Variants in LRRC75A observed in about 807,000 individuals in gnomAD.
LRRC75A encodes the protein leucine-rich repeat-containing protein 75A.
In LRRC75A, 12 loss-of-function variants were observed where a neutral mutation model predicts 26.0. The observed-to-expected ratio is 0.46, with a 90% CI of 0.30 to 0.75. LRRC75A has a LOEUF of 0.75. LRRC75A is among the 30% of genes least tolerant of loss of function. The pLI is 0.08. For missense variants in LRRC75A, 410 were observed against 486.6 expected, an observed-to-expected ratio of 0.84 and a Z score of 1.48; for synonymous variants, 223 against 219.3, an observed-to-expected ratio of 1.02 and a Z score of -0.15.
At chr17:16,451,733 A>G (rs1445377660) in intron 2 of LRRC75A, among the ~76,000 whole-genome samples, 1 of 151,786 alleles carries the variant, frequency 6.6e-6, no homozygotes, top group East Asian at 1.9e-4. Flanking sequence ...TCATACCGGA[A>G]TCTCAGGGGA....
Position 16,492,140 on chromosome 17 carries a change from G to A in LRRC75A, c.-150C>T. 1.7e-6 allele frequency: 1 copy of A among 600,806 alleles called. No individual in the cohort carries two copies. Among genetic ancestry groups the A allele is most frequent in the Non-Finnish European group, 2.1e-6 (1 of 478,506 alleles). The allele number at this position is 600,806 out of a possible 1,614,324, so 37.2% of individuals were successfully genotyped here. ...GCGGGCGTCGCGGGGGCGGGCGGGCGGGCGGCTGTCGGCGCTCCCCGCGCT... is the reference window on the plus strand; with the variant it reads ...GCGGGCGTCGCGGGGGCGGGCGGGCAGGCGGCTGTCGGCGCTCCCCGCGCT... On this transcript the variant is annotated 5_prime_UTR_variant, in exon 1 of 4. Transcript: ENST00000470794.
intron 1 of LRRC75A, among the ~76,000 whole-genome samples, chr17:16,485,681 T>TGTGTGTTA (rs1555893694): frequency 7.4e-6 from 1 of 135,434 alleles, no homozygotes; most frequent in Non-Finnish European, 1.6e-5. Flanking sequence ...CGTGTGTGTG[T>TGTGTGTTA]GTGTGTGTGT....
chr17:16,479,331 G>T (rs1385452579), intron 1 of LRRC75A, among the ~76,000 whole-genome samples: 1 of 152,242 alleles, frequency 6.6e-6, no homozygotes, highest in African/African-American at 2.4e-5. Flanking sequence ...TGCCTCAGGT[G>T]ATTTGAGAAG....
Position 16,453,070 on chromosome 17 carries a change from C to T in LRRC75A, c.376-5110G>A, listed in dbSNP as rs376275421. ...CTTTGGGAGGCCGAGGCAGGCGGAT[C>T]ACAAGGTCAGGAGTTCGACACCAGC... is the stretch of plus-strand genomic sequence containing the variant. On this transcript the variant is annotated intron_variant, in intron 2 of 3. Coordinates refer to ENST00000470794, the MANE Select transcript of LRRC75A (RefSeq NM_001113567.3). Among the ~76,000 whole-genome samples the T allele has an allele frequency of 6.0e-4, 91 of 152,226 alleles. No homozygotes were observed. The East Asian group carries it at 7.8e-3, about 13-fold the overall frequency.
chr17:16,448,822 C>T (rs1377720762), intron 2 of LRRC75A, among the ~76,000 whole-genome samples: 1 of 152,202 alleles, frequency 6.6e-6, no homozygotes, highest in Non-Finnish European at 1.5e-5. Flanking sequence ...AGAAGGAAAC[C>T]CACCAGCCAG....
intron 1 of LRRC75A, among the ~76,000 whole-genome samples, chr17:16,471,289 G>A (rs781650216): frequency 1.4e-4 from 21 of 152,192 alleles, no homozygotes; most frequent in East Asian, 3.8e-4. Flanking sequence ...GGATGGACAC[G>A]GCCCTGCCGA....
chr17:16,473,875 G>C (rs7216088), intron 1 of LRRC75A, among the ~76,000 whole-genome samples: 1 of 151,996 alleles, frequency 6.6e-6, no homozygotes, highest in Non-Finnish European at 1.5e-5. Flanking sequence ...GCTGGGCAGC[G>C]ATGTTTGGCA....
At chr17:16,461,772 A>G (rs11654069) in intron 2 of LRRC75A, among the ~76,000 whole-genome samples, 29,468 of 152,206 alleles carry the variant, frequency 0.19, 3,531 homozygotes, top group Middle Eastern at 0.29. Context: ...ACCTCCAGGG[A>G]GACAAGGGCT....
At chr17:16,467,599 C>T (rs376763068) in intron 1 of LRRC75A, among the ~76,000 whole-genome samples, 11 of 152,208 alleles carry the variant, frequency 7.2e-5, no homozygotes, top group African/African-American at 2.7e-4. Flanking sequence ...CTGAAGACAA[C>T]CTGGCTCAAC....
chr17:16,485,030 G>A (rs926091619), intron 1 of LRRC75A, among the ~76,000 whole-genome samples: 1 of 151,872 alleles, frequency 6.6e-6, no homozygotes, highest in Non-Finnish European at 1.5e-5. Flanking sequence ...AGGGCCGGGT[G>A]GGGGTAGGGA....
intron 2 of LRRC75A, among the ~76,000 whole-genome samples, chr17:16,458,565 C>T: frequency 6.6e-6 from 1 of 151,878 alleles, no homozygotes; most frequent in Non-Finnish European, 1.5e-5. Flanking sequence ...TGCCGGGTTC[C>T]AGTGATTCTC....
intron 2 of LRRC75A, among the ~76,000 whole-genome samples, chr17:16,451,947 C>T (rs1324913811): frequency 6.6e-6 from 1 of 151,196 alleles, no homozygotes; most frequent in Non-Finnish European, 1.5e-5. Flanking sequence ...GGGGGTCTCA[C>T]TGTGTTAGCG....
intron 1 of LRRC75A, among the ~76,000 whole-genome samples, chr17:16,464,173 G>T (rs532788185): frequency 6.6e-6 from 1 of 152,332 alleles, no homozygotes; most frequent in African/African-American, 2.4e-5. Context: ...TGGCAGGAAT[G>T]AACCTTGGAG....
In LRRC75A at chr17:16,456,152, GAGGAGGAGGAAGAGGAGGGGT is replaced by G. The variant is rs796860990; in HGVS notation, c.375+6085_375+6105del. Among the ~76,000 whole-genome samples, 4 of 134,442 alleles carry G rather than the reference GAGGAGGAGGAAGAGGAGGGGT, an allele frequency of 3.0e-5. No homozygotes were observed. In the East Asian group the frequency reaches 8.6e-4, roughly 29 times the overall value. The allele number at this position is 134,442 out of a possible 152,430, so 88.2% of individuals were successfully genotyped here. On this transcript the variant is annotated intron_variant, in intron 2 of 3. Transcript: ENST00000470794. ...GTAGGAGGAGGAGGAAGAGGAGGGA[GAGGAGGAGGAAGAGGAGGGGT>G]AGGAGGAGGAAGAGGAGGAAGGAGG...
rs2093858912 is a variant in LRRC75A at position 16,492,107 on chromosome 17, T to C, written c.-117A>G. On this transcript the variant is annotated 5_prime_UTR_variant, in exon 1 of 4. Coordinates refer to ENST00000470794, the MANE Select transcript of LRRC75A (RefSeq NM_001113567.3). Reference sequence around the variant, plus strand: ...TCCCGGGCTGCAACTTTGGGGGAACTGTTGCGCGCGGGCGTCGCGGGGGCG... The same window carrying C: ...TCCCGGGCTGCAACTTTGGGGGAACCGTTGCGCGCGGGCGTCGCGGGGGCG... 1 of 928,276 alleles carries C rather than the reference T, an allele frequency of 1.1e-6. No individual in the cohort carries two copies. The highest frequency in any genetic ancestry group is 5.1e-4 in the Middle Eastern group (1 of 1,948). 57.5% of individuals were successfully genotyped at this position (928,276 alleles called of 1,614,324 possible). A position where few individuals can be genotyped will look rare whatever the true frequency, so the allele number is the denominator to read the frequency against.
intron 2 of LRRC75A, among the ~76,000 whole-genome samples, chr17:16,450,846 G>A (rs895459098): frequency 6.6e-6 from 1 of 152,170 alleles, no homozygotes; most frequent in Non-Finnish European, 1.5e-5. Flanking sequence ...CCACACAGCT[G>A]ACTGATATGC....
rs2093542348 is a variant in LRRC75A at position 16,442,702 on chromosome 17, TAA to T, written c.*884_*885del. 1.3e-5 allele frequency: 2 copies of T among 152,316 alleles called. No individual in the cohort carries two copies. The highest frequency in any genetic ancestry group is 4.1e-4 in the South Asian group (2 of 4,824). 9.4% of individuals were successfully genotyped at this position (152,316 alleles called of 1,614,324 possible). On this transcript the variant is annotated 3_prime_UTR_variant, in exon 4 of 4. Coordinates refer to ENST00000470794, the MANE Select transcript of LRRC75A (RefSeq NM_001113567.3). The stretch of plus-strand genomic sequence containing the variant: ...TTCTGGAATGTGTTGGTGGATTACT[TAA>T]GAGTTATGGGGAAAGAGTTCTTACG...
At chr17:16,481,738 C>T (rs916847605) in intron 1 of LRRC75A, among the ~76,000 whole-genome samples, 4 of 152,234 alleles carry the variant, frequency 2.6e-5, no homozygotes, top group African/African-American at 9.6e-5. Context: ...CCTCATCCTG[C>T]ATCTGAGCTA....
chr17:16,448,366 A>G (rs1220709661), intron 2 of LRRC75A: 1 of 239,518 alleles, frequency 4.2e-6, no homozygotes, highest in East Asian at 1.2e-4. Context: ...CACTTGTTCT[A>G]GGAAGCTAGG....
Sources: allele counts gnomAD v4.1 joint callset (sites outside exome capture counted in the v4.1 genomes callset), GRCh38; gene constraint gnomAD v4.1.1; transcripts MANE v1.5; gene names NCBI Gene and HGNC (gene_info 2026-07-23, HGNC 2026-07-21).